Variants in PDE4B observed in about 807,000 individuals in gnomAD.
PDE4B encodes phosphodiesterase 4B, also known as 3',5'-cyclic-AMP phosphodiesterase 4B.
A neutral mutation model predicts 82.2 loss-of-function variants in PDE4B; 20 were observed. The observed-to-expected ratio is 0.24, with a 90% confidence interval of 0.17 to 0.35. The LOEUF is 0.35. PDE4B is among the 10% of genes least tolerant of loss of function. The pLI is 1.00. For missense variants in PDE4B, 655 were observed against 907.2 expected (o/e 0.72, Z 3.57); for synonymous variants, 320 against 318.9 (o/e 1.00, Z -0.04).
intron 3 of PDE4B, among the ~76,000 whole-genome samples, chr1:65,921,896 A>G (rs750052060): frequency 1.3e-4 from 20 of 152,238 alleles, no homozygotes; most frequent in Non-Finnish European, 2.5e-4. Context: ...AGTCATAAGT[A>G]TGGGACTGTG....
chr1:65,870,342 A>G (rs987875656), intron 1 of PDE4B, among the ~76,000 whole-genome samples: 1 of 152,178 alleles, frequency 6.6e-6, no homozygotes. Context: ...CATAAAGTGT[A>G]TCATTTCTCC....
At chr1:65,954,875 T>C (rs552914774) in intron 3 of PDE4B, among the ~76,000 whole-genome samples, 1 of 152,276 alleles carries the variant, frequency 6.6e-6, no homozygotes, top group Non-Finnish European at 1.5e-5. Context: ...TGTAGTTTAT[T>C]TCAATTTAGA....
At chr1:65,896,098 ATG>A (rs1275198304) in intron 1 of PDE4B, among the ~76,000 whole-genome samples, 6 of 150,910 alleles carry the variant, frequency 4.0e-5, no homozygotes, top group Non-Finnish European at 8.9e-5. Context: ...TTATATATGC[ATG>A]TGTGTGTGTG....
chr1:65,823,529 G>T (rs1309862410), intron 1 of PDE4B, among the ~76,000 whole-genome samples: 3 of 151,752 alleles, frequency 2.0e-5, no homozygotes, highest in African/African-American at 7.3e-5. Context: ...ACTGGTTCAG[G>T]CCCTTGCCAT....
chr1:66,317,871 T>C (rs1659135089), intron 7 of PDE4B, among the ~76,000 whole-genome samples: 1 of 152,182 alleles, frequency 6.6e-6, no homozygotes, highest in African/African-American at 2.4e-5. Flanking sequence ...TGCTCCAGCC[T>C]GGGTGACAGA....
chr1:65,932,834 T>C (rs914125066), intron 3 of PDE4B, among the ~76,000 whole-genome samples: 1 of 151,890 alleles, frequency 6.6e-6, no homozygotes, highest in Non-Finnish European at 1.5e-5. Flanking sequence ...GCAGACTAAA[T>C]CAAGCAGAAG....
chr1:65,979,303 G>A (rs551014404), intron 3 of PDE4B, among the ~76,000 whole-genome samples: 3 of 152,228 alleles, frequency 2.0e-5, no homozygotes, highest in Admixed American at 6.5e-5. Context: ...TGCCTTTGGC[G>A]GAGCTCCTGT....
chr1:66,228,867 A>C (rs1471347067), intron 3 of PDE4B, among the ~76,000 whole-genome samples: 1 of 143,876 alleles, frequency 7.0e-6, no homozygotes, highest in South Asian at 2.5e-4. Context: ...GGTAAAAAGC[A>C]AAAGATAAAG....
intron 1 of PDE4B, among the ~76,000 whole-genome samples, chr1:65,836,051 C>T (rs948442363): frequency 7.2e-5 from 11 of 152,106 alleles, no homozygotes; most frequent in African/African-American, 2.7e-4. Flanking sequence ...AAGCGATTCT[C>T]CTGCCTCGGC....
At chr1:66,232,544 G>A (rs974491754) in intron 3 of PDE4B, among the ~76,000 whole-genome samples, 21 of 151,984 alleles carry the variant, frequency 1.4e-4, no homozygotes, top group African/African-American at 4.6e-4. Flanking sequence ...CTAGGAAATC[G>A]GTGTAGAAAA....
At chr1:66,259,419 C>T (rs993454066) in intron 6 of PDE4B, among the ~76,000 whole-genome samples, 7 of 152,186 alleles carry the variant, frequency 4.6e-5, no homozygotes, top group Admixed American at 3.9e-4. Context: ...CTGTTGTTCT[C>T]TGCATACTCT....
intron 3 of PDE4B, among the ~76,000 whole-genome samples, chr1:66,087,898 T>G (rs1261399291): frequency 6.8e-6 from 1 of 146,418 alleles, no homozygotes; most frequent in Non-Finnish European, 1.5e-5. Flanking sequence ...GGGATAGCAT[T>G]GGGAGATATA....
At chr1:65,900,449 T>A (rs1285754772) in intron 1 of PDE4B, among the ~76,000 whole-genome samples, 3 of 152,028 alleles carry the variant, frequency 2.0e-5, no homozygotes, top group Non-Finnish European at 4.4e-5. Context: ...GCTCTTTTTT[T>A]AATTTCACAC....
intron 9 of PDE4B, among the ~76,000 whole-genome samples, chr1:66,357,271 G>A (rs1049595373): frequency 4.6e-5 from 7 of 152,220 alleles, no homozygotes; most frequent in African/African-American, 1.2e-4. Context: ...AGTCCTCTTC[G>A]TTTGTAGTCT....
At chr1:65,897,329 A>C (rs556620260) in intron 1 of PDE4B, among the ~76,000 whole-genome samples, 76 of 152,244 alleles carry the variant, frequency 5.0e-4, no homozygotes, top group African/African-American at 1.5e-3. Context: ...AATGCCTATC[A>C]TCAATCCTAG....
intron 16 of PDE4B, among the ~76,000 whole-genome samples, chr1:66,371,107 T>TC (rs1359999743): frequency 1.0e-5 from 1 of 97,418 alleles, no homozygotes; most frequent in African/African-American, 4.7e-5. Flanking sequence ...TATATATATA[T>TC]ATATATATAT....
chr1:66,181,817 G>C (rs569225630), intron 3 of PDE4B, among the ~76,000 whole-genome samples: 1 of 152,054 alleles, frequency 6.6e-6, no homozygotes, highest in Non-Finnish European at 1.5e-5. Flanking sequence ...AGCTTTCCTA[G>C]GGAACTTTAA....
intron 8 of PDE4B, among the ~76,000 whole-genome samples, chr1:66,344,318 C>G (rs186326841): frequency 5.0e-4 from 76 of 152,242 alleles, no homozygotes; most frequent in Middle Eastern, 3.4e-3. Flanking sequence ...TTGCATCTTT[C>G]TTGTGCATTG....
intron 3 of PDE4B, among the ~76,000 whole-genome samples, chr1:66,186,271 T>A (rs903811105): frequency 1.3e-5 from 2 of 152,232 alleles, no homozygotes; most frequent in Admixed American, 6.5e-5. Context: ...GGTAGCGTGA[T>A]GCCTCCAGCT....
Sources: allele counts gnomAD v4.1 joint callset (sites outside exome capture counted in the v4.1 genomes callset), GRCh38; gene constraint gnomAD v4.1.1; transcripts MANE v1.5; gene names NCBI Gene and HGNC (gene_info 2026-07-23, HGNC 2026-07-21).